Variants in PSMG2 observed in about 807,000 individuals in gnomAD.
PSMG2 encodes CD40 ligand-activated specific transcript 3.
PSMG2 carries 21 observed loss-of-function variants against 31.5 expected under a neutral mutation model. That is an observed-to-expected ratio of 0.67 (90% confidence interval 0.47 to 0.96). The LOEUF is 0.96. PSMG2 is among the 40% of genes least tolerant of loss of function. The pLI, the probability that PSMG2 is intolerant of heterozygous loss-of-function variation, is 0.00. For missense variants in PSMG2, 318 were observed against 321.2 expected (o/e 0.99, Z 0.08); for synonymous variants, 120 against 110.4 (o/e 1.09, Z -0.54).
chr18:12,697,083 G>A, intron 1 of PSMG2: 1 of 568,068 alleles, frequency 1.8e-6, no homozygotes, highest in Non-Finnish European at 3.0e-6. Context: ...TTAGGATGCT[G>A]AGGTCCAATT....
At position 12,705,574 on chromosome 18, in the gene PSMG2, A is replaced by AGTGTGTGTGT. The variant is rs1222721405; in HGVS notation, c.58-975_58-974insTGTGTGTGTG. On this transcript the variant is annotated intron_variant, in intron 1 of 6. Coordinates refer to ENST00000317615, the MANE Select transcript of PSMG2 (RefSeq NM_020232.5). ...GAGAGAGAGAGAGAGAGAGAGAGAGAGAGTGTGTGTGTGTGTGTGTGTGTG... is the reference window on the plus strand; with the variant it reads ...GAGAGAGAGAGAGAGAGAGAGAGAGAGTGTGTGTGTGAGTGTGTGTGTGTGTGTGTGTGTG... Among the ~76,000 whole-genome samples the AGTGTGTGTGT allele has an allele frequency of 7.0e-3, 954 of 135,720 alleles. 14 individuals are homozygous for AGTGTGTGTGT. Among genetic ancestry groups the AGTGTGTGTGT allele is most frequent in the Admixed American group, 0.042 (544 of 12,950 alleles). The allele number at this position is 135,720 out of a possible 152,430, so 89.0% of individuals were successfully genotyped here.
upstream of PSMG2, chr18:12,701,062 C>G: frequency 6.2e-7 from 1 of 1,613,734 alleles, no homozygotes; most frequent in Non-Finnish European, 8.5e-7. Context: ...GGTGCCAATT[C>G]TTCCCGTATA....
intron 1 of PSMG2, among the ~76,000 whole-genome samples, chr18:12,675,161 C>A (rs943881348): frequency 3.3e-5 from 5 of 152,162 alleles, no homozygotes; most frequent in Admixed American, 6.5e-5. Context: ...GTTTGGGAGG[C>A]TGAGGTGGGC....
At chr18:12,687,166 T>C (rs1359567532) in intron 1 of PSMG2, among the ~76,000 whole-genome samples, 1 of 152,158 alleles carries the variant, frequency 6.6e-6, no homozygotes, top group African/African-American at 2.4e-5. Context: ...AAGGGCCACT[T>C]ACTATTCAAG....
intron 1 of PSMG2, chr18:12,684,455 C>T (rs1205563861): frequency 6.6e-6 from 1 of 151,068 alleles, no homozygotes; most frequent in African/African-American, 2.4e-5. Flanking sequence ...CAGAGTCTCG[C>T]TCTGTCACCC....
At chr18:12,668,734 CTTTT>C (rs543253434) in intron 1 of PSMG2, among the ~76,000 whole-genome samples, 1 of 96,642 alleles carries the variant, frequency 1.0e-5, no homozygotes, top group African/African-American at 3.9e-5. Context: ...CACTTTATTC[CTTTT>C]TTTTTTTTTT....
chr18:12,682,246 C>T (rs1255590095), intron 1 of PSMG2, among the ~76,000 whole-genome samples: 2 of 151,910 alleles, frequency 1.3e-5, no homozygotes, highest in African/African-American at 4.8e-5. Flanking sequence ...CTCAATGCTG[C>T]CTTGACGTCC....
chr18:12,697,328 T>A (rs2039991153), intron 1 of PSMG2: 2 of 1,613,906 alleles, frequency 1.2e-6, no homozygotes, highest in African/African-American at 2.7e-5. Context: ...TCACCAAATA[T>A]GTCTGTTTTG....
intron 1 of PSMG2, among the ~76,000 whole-genome samples, chr18:12,677,444 G>A (rs951471591): frequency 5.7e-5 from 7 of 123,132 alleles, no homozygotes; most frequent in Admixed American, 2.0e-4. Context: ...GTGACAGAGC[G>A]AGAGATTCCA....
upstream of PSMG2, among the ~76,000 whole-genome samples, chr18:12,701,742 C>G (rs544907925): frequency 7.9e-5 from 12 of 152,146 alleles, no homozygotes; most frequent in Non-Finnish European, 1.8e-4. Flanking sequence ...CATTACAAAC[C>G]CTTTAGTAAC....
chr18:12,686,145 TGGGTACA>T, intron 1 of PSMG2: 1 of 682,834 alleles, frequency 1.5e-6, no homozygotes, highest in Non-Finnish European at 2.3e-6. Flanking sequence ...ACAGAACCTG[TGGGTACA>T]GAGGGTTGAC....
chr18:12,661,108 G>A (rs368627048), intron 1 of PSMG2, among the ~76,000 whole-genome samples: 1 of 152,254 alleles, frequency 6.6e-6, no homozygotes, highest in Non-Finnish European at 1.5e-5. Flanking sequence ...AGGAGTTCGA[G>A]ACCAGCCTGG....
chr18:12,662,674 G>C (rs1322114979), intron 1 of PSMG2, among the ~76,000 whole-genome samples: 4 of 152,218 alleles, frequency 2.6e-5, no homozygotes, highest in African/African-American at 9.6e-5. Flanking sequence ...CTGCTCGGAA[G>C]GCTGAGGCAC....
chr18:12,658,792 G>T, intron 1 of PSMG2: 1 of 314,602 alleles, frequency 3.2e-6, no homozygotes, highest in East Asian at 9.8e-5. Flanking sequence ...CGTAAAGACG[G>T]GGATCTTTAC....
chr18:12,718,666 G>T, intron 4 of PSMG2, 31 bp downstream of exon 4: 2 of 1,500,110 alleles, frequency 1.3e-6, no homozygotes, highest in Non-Finnish European at 1.8e-6. Flanking sequence ...AGTTATTTTT[G>T]GTATGGTTTA....
chr18:12,706,499 A>G (rs1464165038), intron 1 of PSMG2, 51 bp from the exon 2 acceptor site: 1 of 1,580,132 alleles, frequency 6.3e-7, no homozygotes, highest in East Asian at 2.2e-5. Flanking sequence ...AAAATAAAAT[A>G]AAGTGCTGCT....
At chr18:12,668,551 T>C (rs532662217) in intron 1 of PSMG2, among the ~76,000 whole-genome samples, 5 of 128,386 alleles carry the variant, frequency 3.9e-5, no homozygotes, top group African/African-American at 1.5e-4. Context: ...GGAGCCAAGA[T>C]TGCACCACTG....
upstream of PSMG2, chr18:12,699,330 G>A (rs2040071462): frequency 3.1e-6 from 2 of 641,552 alleles, no homozygotes; most frequent in Non-Finnish European, 5.3e-6. Flanking sequence ...AAGCAAAAGA[G>A]TAACAAATTT....
intron 1 of PSMG2, among the ~76,000 whole-genome samples, chr18:12,681,920 T>C (rs894487436): frequency 3.3e-5 from 5 of 151,534 alleles, no homozygotes; most frequent in Non-Finnish European, 7.4e-5. Context: ...CGCTTGAACC[T>C]GGGAGGCAGA....
Sources: allele counts gnomAD v4.1 joint callset (sites outside exome capture counted in the v4.1 genomes callset), GRCh38; gene constraint gnomAD v4.1.1; transcripts MANE v1.5; gene names NCBI Gene and HGNC (gene_info 2026-07-23, HGNC 2026-07-21).